Variants in SOX13 observed in about 807,000 individuals in gnomAD.
SOX13 encodes the protein SRY-box transcription factor 13, also known as transcription factor SOX-13.
SOX13 carries 28 observed loss-of-function variants against 71.8 expected under a neutral mutation model. The ratio of observed to expected loss-of-function variants is 0.39; its 90% CI spans 0.29 to 0.53. The LOEUF is 0.53. Ranked by LOEUF, SOX13 falls within the 20% of genes least tolerant of loss-of-function variation. The pLI is 0.70. For synonymous variants in SOX13, 309 were observed against 317.8 expected (o/e 0.97, Z 0.29); for missense variants, 627 against 810.3 (o/e 0.77, Z 2.75).
chr1:204,119,458 C>T (rs529519001), intron 7 of SOX13: 1 of 152,180 alleles, frequency 6.6e-6, no homozygotes, highest in African/African-American at 2.4e-5. Flanking sequence ...GGCCTCTAAT[C>T]TCATTCCTGA....
At chr1:204,094,547 C>G (rs1656212654) in intron 1 of SOX13, among the ~76,000 whole-genome samples, 1 of 152,142 alleles carries the variant, frequency 6.6e-6, no homozygotes, top group South Asian at 2.1e-4. Context: ...GCTCTAATGG[C>G]CCAATGCGGG....
At chr1:204,091,822 G>C (rs1321842582) in intron 1 of SOX13, among the ~76,000 whole-genome samples, 1 of 152,022 alleles carries the variant, frequency 6.6e-6, no homozygotes, top group African/African-American at 2.4e-5. Context: ...AGCTCAAGCA[G>C]CCCTCCCACC....
Position 204,123,306 on chromosome 1 carries a change from G to C in SOX13, c.1231+98G>C. 3.1e-6 allele frequency: 3 copies of C among 966,646 alleles called. No individual in the cohort carries two copies. The highest frequency in any genetic ancestry group is 1.7e-6 in the Non-Finnish European group (1 of 599,738). 59.9% of individuals were successfully genotyped at this position (966,646 alleles called of 1,614,324 possible). A position where few individuals can be genotyped will look rare whatever the true frequency, so the allele number is the denominator to read the frequency against. On this transcript the variant is annotated intron_variant, in intron 11 of 13. Coordinates refer to ENST00000367204, the MANE Select transcript of SOX13 (RefSeq NM_005686.3). This position sits in a 1 kb window ranked among gnomAD's most constrained non-coding sequence, Gnocchi z 5.0. Reference sequence around the variant, plus strand: ...TGCCTCTGATCTCTTCCCTCCCTTGGTCTGTTGGGTCCTTTCCAGGTGTGT... The same window carrying C: ...TGCCTCTGATCTCTTCCCTCCCTTGCTCTGTTGGGTCCTTTCCAGGTGTGT...
intron 1 of SOX13, among the ~76,000 whole-genome samples, chr1:204,077,095 G>T (rs1655800186): frequency 6.6e-6 from 1 of 152,250 alleles, no homozygotes; most frequent in African/African-American, 2.4e-5. Flanking sequence ...GGAGAGGATA[G>T]CTCAGCCCAG....
intron 1 of SOX13, among the ~76,000 whole-genome samples, chr1:204,092,921 A>G (rs1656176805): frequency 6.6e-6 from 1 of 152,012 alleles, no homozygotes; most frequent in South Asian, 2.1e-4. Flanking sequence ...CTGAAATGCC[A>G]TTAATCACAA....
rs1399933040 is a variant in SOX13, at chr1:204,126,201, C to A, written c.*67C>A. On this transcript the variant is annotated 3_prime_UTR_variant, in exon 14 of 14. Transcript: ENST00000367204. ...CCTTGTCCCAACTCGATGGGCACAG[C>A]CAGCCAACCTAAGACTATGTTGGTA... The A allele has an allele frequency of 6.6e-7, 1 of 1,521,504 alleles. No individual in the cohort carries two copies. The highest frequency in any genetic ancestry group is 1.2e-5 in the South Asian group (1 of 81,868). The allele number at this position is 1,521,504 out of a possible 1,614,324, so 94.3% of individuals were successfully genotyped here. A position where few individuals can be genotyped will look rare whatever the true frequency, so the allele number is the denominator to read the frequency against.
chr1:204,112,953 T>C lies in SOX13; in HGVS notation c.38T>C (p.Leu13Pro), dbSNP rs1656617084. Residue 13 changes from leucine to proline, a missense_variant, in exon 2 of 14, where the codon CTG becomes CCG. Leu to Pro is a moderately conservative substitution (Grantham distance 98, BLOSUM62 -3). Transcript: ENST00000367204. ...MRSPISAQLA[L>P]DGVGTMVNCT... ...AGCCCCATCTCTGCCCAGCTGGCCC[T>C]GGATGGCGTTGGCACCATGGTGAAC... 1 of 1,613,686 alleles carries C rather than the reference T, an allele frequency of 6.2e-7. No homozygotes were observed. The highest frequency in any genetic ancestry group is 1.3e-5 in the African/African-American group (1 of 75,056).
intron 1 of SOX13, among the ~76,000 whole-genome samples, chr1:204,107,089 C>G (rs1656485402): frequency 1.3e-5 from 2 of 152,214 alleles, no homozygotes; most frequent in Admixed American, 1.3e-4. Flanking sequence ...GCTTTTCTCT[C>G]AACCACTTGA....
rs759926921 is a variant in SOX13 at position 204,125,962 on chromosome 1, G to A, written c.1697G>A (p.Ser566Asn). Reference sequence around the variant, plus strand: ...CTGGTGGAGCACTATGTCCCTCGTAGCCTGGACCCCAACATGCCTGTGATC... The same window carrying A: ...CTGGTGGAGCACTATGTCCCTCGTAACCTGGACCCCAACATGCCTGTGATC... ...QPLVEHYVPR[S>N]LDPNMPVIVN... Residue 566 changes from serine (S) to asparagine (N), a missense_variant, in exon 14 of 14, where the codon AGC becomes AAC. Transcript: ENST00000367204. 1.5e-5 allele frequency: 25 copies of A among 1,613,820 alleles called. No homozygotes were observed. In the East Asian group the frequency reaches 5.1e-4, roughly 33 times the overall value.
chr1:204,090,020 C>T (rs1656108712), intron 1 of SOX13, among the ~76,000 whole-genome samples: 2 of 152,184 alleles, frequency 1.3e-5, no homozygotes, highest in African/African-American at 2.4e-5. Flanking sequence ...GGCTGAAGCC[C>T]CCGGGGCCTC....
chr1:204,080,653 C>A (rs911110595), intron 1 of SOX13, among the ~76,000 whole-genome samples: 1 of 152,088 alleles, frequency 6.6e-6, no homozygotes, highest in Non-Finnish European at 1.5e-5. Flanking sequence ...TCCCATCCCC[C>A]AACAAAGGGG....
At chr1:204,096,196 A>C (rs576440106) in intron 1 of SOX13, among the ~76,000 whole-genome samples, 124 of 137,480 alleles carry the variant, frequency 9.0e-4, no homozygotes, top group Middle Eastern at 4.2e-3. Flanking sequence ...TTTCTTGAGG[A>C]CCCGCCATCA....
At chr1:204,076,033 T>C (rs1390340248) in intron 1 of SOX13, among the ~76,000 whole-genome samples, 1 of 152,210 alleles carries the variant, frequency 6.6e-6, no homozygotes, top group Non-Finnish European at 1.5e-5. Flanking sequence ...CGTATCCTTC[T>C]TACTCCTTGT....
At chr1:204,089,619 A>G (rs146378466) in intron 1 of SOX13, among the ~76,000 whole-genome samples, 6 of 152,310 alleles carry the variant, frequency 3.9e-5, no homozygotes, top group Non-Finnish European at 7.3e-5. Context: ...CCTCTCTGCA[A>G]AAGTGCTGAG....
chr1:204,105,790 GT>G (rs1656458866), intron 1 of SOX13, among the ~76,000 whole-genome samples: 3 of 152,286 alleles, frequency 2.0e-5, no homozygotes, highest in African/African-American at 7.2e-5. Context: ...ATGTGTTGAG[GT>G]TGGGCAAGAG....
In SOX13 at chr1:204,123,432, C is replaced by T. The variant is rs949443120; in HGVS notation, c.1231+224C>T. On this transcript the variant is annotated intron_variant, in intron 11 of 13. Coordinates refer to ENST00000367204, the MANE Select transcript of SOX13 (RefSeq NM_005686.3). This position sits in a 1 kb window ranked among gnomAD's most constrained non-coding sequence, Gnocchi z 5.0. ...TTTCTGCTCTCTCTTGAGGCCATAC[C>T]GCTGTGATTTTCTTGTGTGTCTGTC... Among the ~76,000 whole-genome samples, 5 of 152,174 alleles carry T rather than the reference C, an allele frequency of 3.3e-5. No homozygotes were observed. Among genetic ancestry groups the T allele is most frequent in the East Asian group, 1.9e-4 (1 of 5,192 alleles).
intron 1 of SOX13, among the ~76,000 whole-genome samples, chr1:204,096,253 T>G (rs1656250349): frequency 7.0e-6 from 1 of 143,410 alleles, no homozygotes; most frequent in Admixed American, 7.0e-5. Flanking sequence ...TTTTTTTTTT[T>G]TTTTGCGACA....
intron 1 of SOX13, among the ~76,000 whole-genome samples, chr1:204,095,584 G>A (rs774402563): frequency 1.8e-4 from 28 of 152,050 alleles, no homozygotes; most frequent in Non-Finnish European, 2.9e-4. Flanking sequence ...TTATGGTCTC[G>A]CCTCTGTCCA....
At chr1:204,110,285 GC>G (rs1656554047) in intron 1 of SOX13, among the ~76,000 whole-genome samples, 1 of 147,420 alleles carries the variant, frequency 6.8e-6, no homozygotes, top group Admixed American at 6.7e-5. Flanking sequence ...ATGCCACCAT[GC>G]CCAGCTAATT....
Sources: gnomAD v4.1 joint callset for allele counts (sites outside exome capture counted in the v4.1 genomes callset) on GRCh38, gnomAD v4.1.1 for gene constraint, Gnocchi (gnomAD v3.1) non-coding constraint, MANE v1.5 for transcripts, NCBI Gene and HGNC (gene_info 2026-07-23, HGNC 2026-07-21) for gene names.